Variants in ATP6V1A observed in about 807,000 individuals in gnomAD.
ATP6V1A encodes the protein V-type proton ATPase catalytic subunit A.
A neutral mutation model predicts 70.1 loss-of-function variants in ATP6V1A; 18 were observed. The ratio of observed to expected loss-of-function variants is 0.26; its 90% CI spans 0.18 to 0.38. The LOEUF is 0.38. Ranked by LOEUF, ATP6V1A falls within the 10% of genes least tolerant of loss-of-function variation. The probability of loss-of-function intolerance (pLI) is 1.00; values close to 1 mark genes in which losing one functional copy is unlikely to be tolerated. For synonymous variants in ATP6V1A, 232 were observed against 253.8 expected, an observed-to-expected ratio of 0.91 and a Z score of 0.82; for missense variants, 424 against 772.4, an observed-to-expected ratio of 0.55 and a Z score of 5.35.
chr3:113,763,275 G>T (rs1008158147), intron 1 of ATP6V1A, among the ~76,000 whole-genome samples: 4 of 152,094 alleles, frequency 2.6e-5, no homozygotes, highest in Admixed American at 6.6e-5. Context: ...TTTTAGTAGA[G>T]ACGGGGTTTC....
At position 113,774,324 on chromosome 3, in the gene ATP6V1A, C is replaced by T. The variant is rs1009703653; in HGVS notation, c.-13-4417C>T. Among the ~76,000 whole-genome samples, 3 of 152,246 alleles carry T rather than the reference C, an allele frequency of 2.0e-5. No homozygotes were observed. The South Asian group carries it at 6.2e-4, about 32-fold the overall frequency. ...ATGGACACTTTAGAAAAAAGGCAAT[C>T]TTAGCTTATATTAATAGAATAAAAT... On this transcript the variant is annotated intron_variant, in intron 1 of 14. Transcript: ENST00000273398.
intron 3 of ATP6V1A, 97 bp downstream of exon 3, chr3:113,781,275 T>C: frequency 7.4e-7 from 1 of 1,351,702 alleles, no homozygotes; most frequent in Non-Finnish European, 9.8e-7. Context: ...TCCCAGCACT[T>C]TGGGAGGCAG....
At chr3:113,805,966 C>T (rs1255524950) in intron 14 of ATP6V1A, among the ~76,000 whole-genome samples, 1 of 152,118 alleles carries the variant, frequency 6.6e-6, no homozygotes, top group Non-Finnish European at 1.5e-5. Context: ...AATAGGAATT[C>T]TAATGATAAA....
chr3:113,794,813 A>G, intron 8 of ATP6V1A, 59 bp from the exon 9 acceptor site: 2 of 1,547,218 alleles, frequency 1.3e-6, no homozygotes, highest in African/African-American at 1.4e-5. Context: ...AAGGGTGGAA[A>G]AAAACAGGAT....
chr3:113,789,612 G>C (rs1709070872), intron 7 of ATP6V1A, 120 bp from the exon 8 acceptor site: 1 of 644,322 alleles, frequency 1.6e-6, no homozygotes, highest in Admixed American at 2.8e-5. Flanking sequence ...ATTACTTTAG[G>C]AACACTGATT....
Position 113,782,574 on chromosome 3 carries a change from GTATATATATACACATATA to G in ATP6V1A, c.211+1409_211+1426del, listed in dbSNP as rs1011160225. Among the ~76,000 whole-genome samples the G allele has an allele frequency of 4.4e-5, 6 of 135,098 alleles. No homozygotes were observed. In the East Asian group the frequency reaches 6.3e-4, roughly 14 times the overall value. The allele number at this position is 135,098 out of a possible 152,430, so 88.6% of individuals were successfully genotyped here. The stretch of plus-strand genomic sequence containing the variant: ...TATATATACATGTGTATATATATAC[GTATATATATACACATATA>G]TATATATATACATATATATATGGTT... On this transcript the variant is annotated intron_variant, in intron 3 of 14. Coordinates refer to ENST00000273398, the MANE Select transcript of ATP6V1A (RefSeq NM_001690.4).
intron 14 of ATP6V1A, 62 bp from the exon 15 acceptor site, chr3:113,809,268 GTAACT>G: frequency 2.3e-6 from 3 of 1,321,600 alleles, no homozygotes; most frequent in South Asian, 2.6e-5. Context: ...AAAAAAAAAA[GTAACT>G]TAACATACGT....
intron 1 of ATP6V1A, among the ~76,000 whole-genome samples, chr3:113,758,663 A>G (rs143099439): frequency 1.8e-4 from 27 of 152,350 alleles, no homozygotes; most frequent in African/African-American, 6.0e-4. Context: ...GTCTTTGGAC[A>G]TAAGCTTTCT....
At chr3:113,787,860 T>C (rs1023463825) in intron 6 of ATP6V1A, among the ~76,000 whole-genome samples, 1 of 152,246 alleles carries the variant, frequency 6.6e-6, no homozygotes, top group Admixed American at 6.5e-5. Context: ...GTCTGCTCTT[T>C]CCATTTTCTA....
chr3:113,747,728 T>A (rs1424274360), intron 1 of ATP6V1A, among the ~76,000 whole-genome samples: 3 of 152,198 alleles, frequency 2.0e-5, no homozygotes, highest in Non-Finnish European at 4.4e-5. Flanking sequence ...GGGCTTTTAC[T>A]TTTTCTTCTC....
chr3:113,759,950 A>G (rs1708683927), intron 1 of ATP6V1A, among the ~76,000 whole-genome samples: 1 of 152,244 alleles, frequency 6.6e-6, no homozygotes. Context: ...AAGTGAAGAC[A>G]GACATTGAAC....
intron 1 of ATP6V1A, among the ~76,000 whole-genome samples, chr3:113,753,636 C>G (rs1462895418): frequency 6.6e-6 from 1 of 150,886 alleles, no homozygotes; most frequent in African/African-American, 2.4e-5. Context: ...GGAGTTAAAT[C>G]TACTGGTGAT....
chr3:113,782,748 A>G (rs1052889502), intron 3 of ATP6V1A, among the ~76,000 whole-genome samples: 9 of 151,436 alleles, frequency 5.9e-5, no homozygotes, highest in Non-Finnish European at 1.2e-4. Context: ...TCAGCCTCCC[A>G]AGTAGCTGGG....
chr3:113,754,256 G>A (rs1708622599), intron 1 of ATP6V1A, among the ~76,000 whole-genome samples: 1 of 152,176 alleles, frequency 6.6e-6, no homozygotes, highest in South Asian at 2.1e-4. Flanking sequence ...GGGCATGGTG[G>A]CTCACGCCTG....
intron 5 of ATP6V1A, 84 bp from the exon 6 acceptor site, chr3:113,786,148 C>G (rs1284621700): frequency 7.4e-7 from 1 of 1,344,652 alleles, no homozygotes; most frequent in Non-Finnish European, 1.0e-6. Context: ...CTTCCTAACC[C>G]CAAGGAGAAT....
chr3:113,799,385 A>C (rs1430653466), intron 12 of ATP6V1A, among the ~76,000 whole-genome samples: 1 of 152,202 alleles, frequency 6.6e-6, no homozygotes, highest in East Asian at 1.9e-4. Flanking sequence ...TACAATTTTT[A>C]GAAACATCTT....
intron 14 of ATP6V1A, among the ~76,000 whole-genome samples, chr3:113,806,527 C>T (rs574223594): frequency 4.6e-5 from 7 of 151,878 alleles, no homozygotes; most frequent in Admixed American, 6.6e-5. Flanking sequence ...GGCACAATCT[C>T]GGCTCACTGC....
At chr3:113,768,113 T>C (rs745740711) in intron 1 of ATP6V1A, among the ~76,000 whole-genome samples, 1 of 152,214 alleles carries the variant, frequency 6.6e-6, no homozygotes, top group Non-Finnish European at 1.5e-5. Flanking sequence ...AGTTTTGATA[T>C]ACAGTTAAAA....
chr3:113,748,983 G>T (rs1373642495), intron 1 of ATP6V1A, among the ~76,000 whole-genome samples: 1 of 152,142 alleles, frequency 6.6e-6, no homozygotes, highest in African/African-American at 2.4e-5. Context: ...CACGTAAGGA[G>T]AATTCCTTAT....
Sources: gnomAD v4.1 joint callset for allele counts (sites outside exome capture counted in the v4.1 genomes callset) on GRCh38, gnomAD v4.1.1 for gene constraint, MANE v1.5 for transcripts, NCBI Gene and HGNC (gene_info 2026-07-23, HGNC 2026-07-21) for gene names.